ANKS1B: variants seen among roughly 807,000 people sequenced by gnomAD.
ANKS1B encodes ankyrin repeat and sterile alpha motif domain-containing protein 1B.
Under a neutral mutation model 148.3 loss-of-function variants are expected in ANKS1B, and 36 were observed. That is an observed-to-expected ratio of 0.24 (90% CI 0.19 to 0.32). The LOEUF (loss-of-function observed/expected upper bound fraction) is 0.32, where lower values mean the gene tolerates loss of function less well. Among genes scored for constraint, ANKS1B ranks in the 10% least tolerant of loss-of-function variants. The pLI, the probability that ANKS1B is intolerant of heterozygous loss-of-function variation, is 1.00. For synonymous variants in ANKS1B, 542 were observed against 560.8 expected, an observed-to-expected ratio of 0.97 and a Z score of 0.47; for missense variants, 1,157 against 1,542.6, an observed-to-expected ratio of 0.75 and a Z score of 4.19.
chr12:99,255,555 C>T (rs2075158179), intron 12 of ANKS1B, among the ~76,000 whole-genome samples: 1 of 151,988 alleles, frequency 6.6e-6, no homozygotes, highest in African/African-American at 2.4e-5. Flanking sequence ...CTTAAGCTGG[C>T]ATTTACCTCA....
intron 8 of ANKS1B, among the ~76,000 whole-genome samples, chr12:99,702,077 T>C (rs759019418): frequency 2.0e-5 from 3 of 152,160 alleles, no homozygotes; most frequent in African/African-American, 4.8e-5. Flanking sequence ...TGCTGGATCA[T>C]ATGGTAGTTC....
chr12:99,371,312 T>C (rs1043220911), intron 12 of ANKS1B, among the ~76,000 whole-genome samples: 2 of 152,238 alleles, frequency 1.3e-5, no homozygotes, highest in Admixed American at 6.5e-5. Context: ...CCGCACCAGA[T>C]TAGGCTCCCA....
At chr12:98,868,714 A>T (rs1224223527) in intron 17 of ANKS1B, among the ~76,000 whole-genome samples, 1 of 152,254 alleles carries the variant, frequency 6.6e-6, no homozygotes. Flanking sequence ...CACACTTAGC[A>T]TGAGACCTGA....
intron 1 of ANKS1B, among the ~76,000 whole-genome samples, chr12:99,837,704 A>C (rs1286200079): frequency 6.6e-6 from 1 of 152,190 alleles, no homozygotes; most frequent in East Asian, 1.9e-4. Flanking sequence ...CTGATTCCAG[A>C]GCCAATGACA....
At chr12:99,298,848 A>G (rs975716439) in intron 12 of ANKS1B, among the ~76,000 whole-genome samples, 1 of 152,184 alleles carries the variant, frequency 6.6e-6, no homozygotes, top group Non-Finnish European at 1.5e-5. Flanking sequence ...TCTACAACCC[A>G]ATTTTCCAAT....
At chr12:99,665,730 C>T (rs1393222287) in intron 8 of ANKS1B, among the ~76,000 whole-genome samples, 1 of 152,146 alleles carries the variant, frequency 6.6e-6, no homozygotes, top group Non-Finnish European at 1.5e-5. Context: ...TTGTGATCCG[C>T]CCGCCTCAGC....
At chr12:98,990,566 G>GAAA (rs146384725) in intron 17 of ANKS1B, among the ~76,000 whole-genome samples, 1 of 117,010 alleles carries the variant, frequency 8.5e-6, no homozygotes, top group Non-Finnish European at 1.8e-5. Flanking sequence ...GAGAGAGAGA[G>GAAA]AAAAAAAAAA....
intron 12 of ANKS1B, among the ~76,000 whole-genome samples, chr12:99,321,736 T>C (rs1319013256): frequency 6.6e-6 from 1 of 152,180 alleles, no homozygotes; most frequent in Non-Finnish European, 1.5e-5. Context: ...GTGCCTCAGA[T>C]GGAAATGCAG....
At chr12:99,848,761 A>T (rs1028701177) in intron 1 of ANKS1B, among the ~76,000 whole-genome samples, 2 of 152,182 alleles carry the variant, frequency 1.3e-5, no homozygotes, top group Non-Finnish European at 2.9e-5. Flanking sequence ...TAGAAGAAAA[A>T]AATTTAAAGG....
At chr12:98,867,161 G>C (rs923079000) in intron 17 of ANKS1B, among the ~76,000 whole-genome samples, 7 of 152,200 alleles carry the variant, frequency 4.6e-5, no homozygotes, top group Non-Finnish European at 8.8e-5. Flanking sequence ...GAGGAGTAGA[G>C]TAATGATTTG....
chr12:99,902,233 A>G (rs2093625003), intron 1 of ANKS1B, among the ~76,000 whole-genome samples: 1 of 152,222 alleles, frequency 6.6e-6, no homozygotes, highest in Non-Finnish European at 1.5e-5. Flanking sequence ...ATATAAAAAG[A>G]AAGAATAAGC....
intron 10 of ANKS1B, among the ~76,000 whole-genome samples, chr12:99,464,871 G>C (rs983442853): frequency 5.3e-5 from 8 of 152,178 alleles, no homozygotes; most frequent in Non-Finnish European, 1.2e-4. Context: ...ACACTATGCA[G>C]GATATTATGT....
intron 17 of ANKS1B, among the ~76,000 whole-genome samples, chr12:98,992,364 T>C (rs2099927123): frequency 1.3e-5 from 2 of 152,134 alleles, no homozygotes; most frequent in African/African-American, 4.8e-5. Flanking sequence ...CAAATTTTAA[T>C]CCCACATGTC....
chr12:99,753,364 G>C (rs1398245025), intron 8 of ANKS1B, among the ~76,000 whole-genome samples: 3 of 152,088 alleles, frequency 2.0e-5, no homozygotes, highest in Admixed American at 6.6e-5. Context: ...ACTGGTGGCA[G>C]GAAGGAGAAC....
intron 17 of ANKS1B, among the ~76,000 whole-genome samples, chr12:98,944,214 C>T (rs1407446954): frequency 2.1e-5 from 3 of 145,582 alleles, no homozygotes; most frequent in African/African-American, 5.0e-5. Context: ...GCAGGAGAAT[C>T]GCTTGAACCC....
chr12:99,746,759 A>G (rs2153588291), intron 8 of ANKS1B, among the ~76,000 whole-genome samples: 1 of 152,286 alleles, frequency 6.6e-6, no homozygotes, highest in East Asian at 1.9e-4. Context: ...CCATCTGGGC[A>G]TAGTCTTACA....
intron 17 of ANKS1B, among the ~76,000 whole-genome samples, chr12:98,920,630 C>A (rs1324330886): frequency 6.6e-6 from 1 of 152,174 alleles, no homozygotes; most frequent in Non-Finnish European, 1.5e-5. Flanking sequence ...CAGTTACCTC[C>A]CACCTGGTCC....
At chr12:99,070,309 C>T (rs1212972431) in intron 16 of ANKS1B, among the ~76,000 whole-genome samples, 1 of 152,072 alleles carries the variant, frequency 6.6e-6, no homozygotes, top group African/African-American at 2.4e-5. Flanking sequence ...CCTCCTCATC[C>T]CCCACAAAAA....
At chr12:99,328,778 A>C (rs958895592) in intron 12 of ANKS1B, among the ~76,000 whole-genome samples, 1 of 152,032 alleles carries the variant, frequency 6.6e-6, no homozygotes, top group Non-Finnish European at 1.5e-5. Context: ...TATAATAATC[A>C]AATTTGAACC....
Sources: allele counts gnomAD v4.1 joint callset (sites outside exome capture counted in the v4.1 genomes callset), GRCh38; gene constraint gnomAD v4.1.1; transcripts MANE v1.5; gene names NCBI Gene and HGNC (gene_info 2026-07-23, HGNC 2026-07-21).